Variants in DOCK2 observed in about 807,000 individuals in gnomAD.
The protein encoded by DOCK2 is dedicator of cytokinesis protein 2.
In DOCK2, 87 loss-of-function variants were observed where a neutral mutation model predicts 248.9. The ratio of observed to expected loss-of-function variants is 0.35; its 90% confidence interval spans 0.29 to 0.42. DOCK2 has a LOEUF of 0.42. Among genes scored for constraint, DOCK2 ranks in the 10% least tolerant of loss-of-function variants. The pLI is 1.00. For synonymous variants in DOCK2, 805 were observed against 821.6 expected (o/e 0.98, Z 0.35); for missense variants, 1,747 against 2,300.2 (o/e 0.76, Z 4.92).
At chr5:170,035,133 T>C (rs1756279130) in intron 35 of DOCK2, among the ~76,000 whole-genome samples, 1 of 152,216 alleles carries the variant, frequency 6.6e-6, no homozygotes, top group Non-Finnish European at 1.5e-5. Flanking sequence ...TCTTAACCCC[T>C]ATATTCCATG....
At chr5:169,881,720 G>T (rs1437406894) in intron 27 of DOCK2, among the ~76,000 whole-genome samples, 1 of 152,152 alleles carries the variant, frequency 6.6e-6, no homozygotes, top group Non-Finnish European at 1.5e-5. Flanking sequence ...TGGAAGGGAG[G>T]TTATTAAAAC....
At chr5:169,808,745 G>A (rs1208460864) in intron 26 of DOCK2, among the ~76,000 whole-genome samples, 2 of 151,958 alleles carry the variant, frequency 1.3e-5, no homozygotes, top group African/African-American at 2.4e-5. Flanking sequence ...CTTAAGACAG[G>A]GTTTTTGTTT....
At chr5:170,020,161 C>T (rs989169276) in intron 33 of DOCK2, among the ~76,000 whole-genome samples, 26 of 152,188 alleles carry the variant, frequency 1.7e-4, no homozygotes, top group Non-Finnish European at 2.5e-4. Context: ...CAACTCTCCC[C>T]GCCTTACCTC....
At chr5:169,675,024 C>A (rs1296776519) in intron 6 of DOCK2, among the ~76,000 whole-genome samples, 1 of 152,198 alleles carries the variant, frequency 6.6e-6, no homozygotes, top group Non-Finnish European at 1.5e-5. Flanking sequence ...CATTGTACAC[C>A]AGGCTTGGTG....
intron 32 of DOCK2, among the ~76,000 whole-genome samples, chr5:170,015,841 C>G (rs1005076494): frequency 7.4e-5 from 11 of 149,588 alleles, no homozygotes; most frequent in Admixed American, 2.0e-4. Context: ...TTCCCTCCCT[C>G]CCTCCTTTTC....
At chr5:170,063,099 G>C (rs1757384800) in intron 44 of DOCK2, among the ~76,000 whole-genome samples, 1 of 152,096 alleles carries the variant, frequency 6.6e-6, no homozygotes, top group Admixed American at 6.5e-5. Context: ...GGGAGCAGAG[G>C]GGACTGGCAT....
rs114852169 is a variant in DOCK2, at chr5:169,864,966, C to A, written c.2799+24114C>A. On this transcript the variant is annotated intron_variant, in intron 27 of 51. Coordinates refer to ENST00000520908, the MANE Select transcript of DOCK2 (RefSeq NM_004946.3). ...AATGCTCAGAGTAGTGCCTGGCGTG[C>A]GCTAAGTCCTCCGTATGTGTTAGCT... 2.4e-4 allele frequency among the ~76,000 whole-genome samples: 37 copies of A among 152,242 alleles called. No individual in the cohort carries two copies. In the South Asian group the frequency reaches 6.4e-3, roughly 26 times the overall value.
chr5:169,898,528 A>AAAC (rs36216194), intron 27 of DOCK2, among the ~76,000 whole-genome samples: 3,172 of 151,232 alleles, frequency 0.021, 55 homozygotes, highest in South Asian at 0.073. Context: ...CACACACACA[A>AAAC]AACAACAACA....
chr5:169,839,468 A>G (rs1008759912), intron 26 of DOCK2, among the ~76,000 whole-genome samples: 1 of 152,184 alleles, frequency 6.6e-6, no homozygotes, highest in African/African-American at 2.4e-5. Flanking sequence ...TTCTGAAGTT[A>G]AGATTCCTAG....
At chr5:169,932,853 C>T (rs1775819014) in intron 27 of DOCK2, among the ~76,000 whole-genome samples, 1 of 150,410 alleles carries the variant, frequency 6.6e-6, no homozygotes, top group Admixed American at 6.6e-5. Flanking sequence ...ATCATAATTT[C>T]CCAGGGCCAA....
intron 1 of DOCK2, among the ~76,000 whole-genome samples, chr5:169,638,890 C>A (rs771212415): frequency 6.6e-6 from 1 of 152,144 alleles, no homozygotes; most frequent in Non-Finnish European, 1.5e-5. Context: ...ACCCTAGGCC[C>A]TTTGCATGGC....
chr5:169,936,172 A>C (rs1198447026), intron 27 of DOCK2, among the ~76,000 whole-genome samples: 2 of 152,180 alleles, frequency 1.3e-5, no homozygotes, highest in African/African-American at 4.8e-5. Context: ...CAATATTTGC[A>C]TTTTGACTAC....
intron 27 of DOCK2, among the ~76,000 whole-genome samples, chr5:169,892,598 G>C (rs971816294): frequency 6.6e-6 from 1 of 152,200 alleles, no homozygotes; most frequent in Non-Finnish European, 1.5e-5. Context: ...AGCCACTAAT[G>C]CTATTTTTTT....
chr5:170,008,216 CAACAACAACAAAA>C (rs1755133011), intron 30 of DOCK2, among the ~76,000 whole-genome samples: 1 of 48,632 alleles, frequency 2.1e-5, no homozygotes, highest in East Asian at 5.4e-4. Context: ...ACAACAACAA[CAACAACAACAAAA>C]AAAAAAAAAC....
intron 25 of DOCK2, among the ~76,000 whole-genome samples, chr5:169,766,084 A>G (rs1158259353): frequency 6.6e-6 from 1 of 151,848 alleles, no homozygotes; most frequent in Non-Finnish European, 1.5e-5. Flanking sequence ...TTCAACTTTT[A>G]TTTCAGGTTC....
chr5:170,080,441 C>T (rs1206131433), intron 50 of DOCK2, 158 bp downstream of exon 50: 7 of 1,139,358 alleles, frequency 6.1e-6, no homozygotes, highest in Non-Finnish European at 7.3e-6. Flanking sequence ...TCTAATCTCT[C>T]CCCACACCCA....
chr5:169,637,334 C>A lies in DOCK2; in HGVS notation c.8C>A (p.Pro3His). MA[P>H]WRKADKERHG... The stretch of plus-strand genomic sequence containing the variant: ...CGAGGCCCCGGCCCAGCCATGGCCC[C>A]CTGGCGCAAAGCTGACAAGGAGCGG... The change falls in exon 1 of 52, where the codon CCC becomes CAC. Residue 3 changes from proline to histidine, a missense_variant. Physicochemically the swap from Pro to His is moderately conservative, Grantham distance 77. This residue lies in a region of DOCK2 where 375 missense variants were observed against 510.9 expected (regional missense o/e 0.73). Transcript: ENST00000520908. The A allele has an allele frequency of 7.0e-7, 1 of 1,425,702 alleles. No homozygotes were observed. The highest frequency in any genetic ancestry group is 2.9e-5 in the Admixed American group (1 of 34,874). 88.3% of individuals were successfully genotyped at this position (1,425,702 alleles called of 1,614,324 possible).
At chr5:170,079,407 A>C in intron 49 of DOCK2, 1 of 405,310 alleles carries the variant, frequency 2.5e-6, no homozygotes, top group Non-Finnish European at 4.6e-6. Context: ...CCTTTCCACC[A>C]TCACACAGGG....
chr5:169,935,832 A>T (rs1479117683), intron 27 of DOCK2, among the ~76,000 whole-genome samples: 1 of 152,172 alleles, frequency 6.6e-6, no homozygotes, highest in Non-Finnish European at 1.5e-5. Context: ...AGACATTATA[A>T]CTCAAAAGTC....
Sources: allele counts gnomAD v4.1 joint callset (sites outside exome capture counted in the v4.1 genomes callset), GRCh38; gene constraint gnomAD v4.1.1; regional missense constraint gnomAD v4.1.1; transcripts MANE v1.5; gene names NCBI Gene and HGNC (gene_info 2026-07-23, HGNC 2026-07-21).